The following COL23A1 variants were observed in gnomAD, a reference collection of about 807,000 sequenced individuals.
COL23A1 encodes the protein collagen alpha-1(XXIII) chain.
COL23A1 carries 97 observed loss-of-function variants against 99.3 expected under a neutral mutation model. That is an observed-to-expected ratio of 0.98 (90% CI 0.83 to 1.16). The LOEUF (loss-of-function observed/expected upper bound fraction) is 1.16, where lower values mean the gene tolerates loss of function less well. Ranked by LOEUF, COL23A1 falls within the 50% of genes most tolerant of loss-of-function variation. The probability of loss-of-function intolerance (pLI) is 0.00; values close to 1 mark genes in which losing one functional copy is unlikely to be tolerated. For synonymous variants in COL23A1, 320 were observed against 308.2 expected (o/e 1.04, Z -0.40); for missense variants, 762 against 757.4 (o/e 1.01, Z -0.07).
At chr5:178,577,556 G>A (rs1474950501) in intron 1 of COL23A1, among the ~76,000 whole-genome samples, 1 of 152,194 alleles carries the variant, frequency 6.6e-6, no homozygotes, top group African/African-American at 2.4e-5. Flanking sequence ...CTGGCGCGCG[G>A]GGCCTGGGGA....
At position 178,239,144 on chromosome 5, in the gene COL23A1, A is replaced by G. The variant is rs1415201777; in HGVS notation, c.1617T>C (p.His539=). ...TGGAGACTTCCCTGCACGGTACCTT[A>G]TGCCAGCAGCCAGGCACAGGCAGCC... is the stretch of plus-strand genomic sequence containing the variant. ...PDGLPVPGCW[H]K is the part of the protein sequence containing the mutation. The change falls in exon 28 of 29, where the codon CAT becomes CAC. Residue 539 remains histidine (H), a synonymous_variant. Coordinates refer to ENST00000390654, the MANE Select transcript of COL23A1 (RefSeq NM_173465.4). The G allele has an allele frequency of 6.2e-7, 1 of 1,613,780 alleles. No individual in the cohort carries two copies. Among genetic ancestry groups the G allele is most frequent in the African/African-American group, 1.3e-5 (1 of 74,972 alleles).
intron 2 of COL23A1, among the ~76,000 whole-genome samples, chr5:178,409,910 T>C (rs1387816182): frequency 6.6e-6 from 1 of 152,142 alleles, no homozygotes; most frequent in Non-Finnish European, 1.5e-5. Flanking sequence ...ATAAATAAAA[T>C]TGTAAGAATG....
chr5:178,538,797 C>A (rs1283532808), intron 2 of COL23A1, among the ~76,000 whole-genome samples: 1 of 152,094 alleles, frequency 6.6e-6, no homozygotes, highest in Non-Finnish European at 1.5e-5. Context: ...CAGCACTATG[C>A]CTAATAAGCA....
intron 2 of COL23A1, among the ~76,000 whole-genome samples, chr5:178,436,521 A>G (rs2127829161): frequency 6.6e-6 from 1 of 152,294 alleles, no homozygotes; most frequent in Admixed American, 6.5e-5. Flanking sequence ...GGTCCAAACC[A>G]CCTGGAAACA....
At chr5:178,400,473 C>A (rs78798280) in intron 2 of COL23A1, among the ~76,000 whole-genome samples, 1 of 152,012 alleles carries the variant, frequency 6.6e-6, no homozygotes, top group Non-Finnish European at 1.5e-5. Context: ...CCGTCAGCCC[C>A]AAACTCCCTC....
rs1764885543 is a variant in COL23A1 at position 178,249,304 on chromosome 5, C to T, written c.1060-98G>A. 5.8e-6 allele frequency: 7 copies of T among 1,210,300 alleles called. No homozygotes were observed. The South Asian group carries it at 8.6e-5, about 15-fold the overall frequency. 75.0% of individuals were successfully genotyped at this position (1,210,300 alleles called of 1,614,324 possible). A position where few individuals can be genotyped will look rare whatever the true frequency, so the allele number is the denominator to read the frequency against. Reference sequence around the variant, plus strand: ...GAGCTTAGTTCATGCTAGGGCCCCACTTTCTCTTTGTGGGTCCCCACCTCC... The same window carrying T: ...GAGCTTAGTTCATGCTAGGGCCCCATTTTCTCTTTGTGGGTCCCCACCTCC... On this transcript the variant is annotated intron_variant, in intron 18 of 28. Coordinates refer to ENST00000390654, the MANE Select transcript of COL23A1 (RefSeq NM_173465.4).
Position 178,366,852 on chromosome 5 carries a change from C to T in COL23A1, c.362-59933G>A, listed in dbSNP as rs76551211. Reference sequence around the variant, plus strand: ...ACTCCTTCACCCAGGAAGCAGGGTCCTGCCCTCCTCTGCAGCCCCACGTGG... The same window carrying T: ...ACTCCTTCACCCAGGAAGCAGGGTCTTGCCCTCCTCTGCAGCCCCACGTGG... On this transcript the variant is annotated intron_variant, in intron 2 of 28. Transcript: ENST00000390654. The surrounding 1 kb of genome is among the most constrained non-coding windows in gnomAD (Gnocchi z 4.4). 1.5e-3 allele frequency among the ~76,000 whole-genome samples: 225 copies of T among 152,348 alleles called. No homozygotes were observed. The Middle Eastern group carries it at 0.02, about 14-fold the overall frequency.
chr5:178,431,560 A>G (rs2127819558), intron 2 of COL23A1, among the ~76,000 whole-genome samples: 1 of 152,362 alleles, frequency 6.6e-6, no homozygotes, highest in African/African-American at 2.4e-5. Flanking sequence ...GATCAGATAC[A>G]GAAGAGAAGT....
At chr5:178,416,166 C>T (rs911400915) in intron 2 of COL23A1, among the ~76,000 whole-genome samples, 1 of 152,202 alleles carries the variant, frequency 6.6e-6, no homozygotes, top group Non-Finnish European at 1.5e-5. Context: ...CCAATATAGA[C>T]AAGAGATGAG....
chr5:178,502,895 C>T (rs1013884287), intron 2 of COL23A1, among the ~76,000 whole-genome samples: 5 of 152,166 alleles, frequency 3.3e-5, no homozygotes, highest in East Asian at 3.9e-4. Context: ...CCGCAGCACA[C>T]GCTGCACGCA....
At position 178,354,576 on chromosome 5, in the gene COL23A1, G is replaced by A. The variant is rs145328403; in HGVS notation, c.362-47657C>T. Among the ~76,000 whole-genome samples the A allele has an allele frequency of 6.6e-5, 10 of 152,212 alleles. No homozygotes were observed. The East Asian group carries it at 1.9e-3, about 29-fold the overall frequency. ...CTCATGACAGTGACTGAGTTCTCGT[G>A]CGATCTGGCTGTTTAAAAATGTGTA... On this transcript the variant is annotated intron_variant, in intron 2 of 28. Transcript: ENST00000390654.
rs1344705972 is a variant in COL23A1, at chr5:178,384,081, G to T, written c.362-77162C>A. On this transcript the variant is annotated intron_variant, in intron 2 of 28. Transcript: ENST00000390654. This position sits in a 1 kb window ranked among gnomAD's most constrained non-coding sequence, Gnocchi z 5.5. Reference sequence around the variant, plus strand: ...TGCATCTCCTGCCACGGCCAGGCAGGTCCCACCTCTCTGCAAAGACCCCTC... The same window carrying T: ...TGCATCTCCTGCCACGGCCAGGCAGTTCCCACCTCTCTGCAAAGACCCCTC... Among the ~76,000 whole-genome samples, 2 of 152,196 alleles carry T rather than the reference G, an allele frequency of 1.3e-5. No homozygotes were observed. Among genetic ancestry groups the T allele is most frequent in the African/African-American group, 4.8e-5 (2 of 41,456 alleles).
At chr5:178,465,946 A>G (rs180682495) in intron 2 of COL23A1, among the ~76,000 whole-genome samples, 155 of 152,282 alleles carry the variant, frequency 1.0e-3, no homozygotes, top group Non-Finnish European at 1.5e-3. Context: ...ACTTCAGGAC[A>G]CAAAACACAG....
In COL23A1 at chr5:178,583,152, A is replaced by G. The variant is rs182954236; in HGVS notation, c.294+6752T>C. ...TGTAAAGCTGACATTTTGTAAGCAC[A>G]GTATATACAGAGAAACACAGATTTC... On this transcript the variant is annotated intron_variant, in intron 1 of 28. Coordinates refer to ENST00000390654, the MANE Select transcript of COL23A1 (RefSeq NM_173465.4). Among the ~76,000 whole-genome samples, 309 of 152,384 alleles carry G rather than the reference A, an allele frequency of 2.0e-3. 1 individual carries two copies. Among genetic ancestry groups the G allele is most frequent in the African/African-American group, 7.2e-3 (301 of 41,592 alleles).
chr5:178,511,334 G>A lies in COL23A1; in HGVS notation c.361+49348C>T, dbSNP rs76208445. Among the ~76,000 whole-genome samples, 1,258 of 152,298 alleles carry A rather than the reference G, an allele frequency of 8.3e-3. 20 individuals carry two copies. The highest frequency in any genetic ancestry group is 0.028 in the African/African-American group (1,182 of 41,552). ...TTAAGAGCCCAGGTCTCAACATTGA[G>A]AAGTTCTCAGCAGCTACAGGTCAAA... On this transcript the variant is annotated intron_variant, in intron 2 of 28. Transcript: ENST00000390654.
intron 2 of COL23A1, among the ~76,000 whole-genome samples, chr5:178,380,911 G>A (rs918027328): frequency 1.3e-5 from 2 of 152,340 alleles, no homozygotes; most frequent in South Asian, 4.1e-4. Context: ...GGAGTGGGGA[G>A]GGCAGGGCAA....
At chr5:178,433,354 T>C (rs1265012364) in intron 2 of COL23A1, among the ~76,000 whole-genome samples, 1 of 151,652 alleles carries the variant, frequency 6.6e-6, no homozygotes. Flanking sequence ...GATGAGGGGG[T>C]CCACAGGGCA....
intron 2 of COL23A1, among the ~76,000 whole-genome samples, chr5:178,477,404 C>A (rs905362546): frequency 6.6e-6 from 1 of 152,144 alleles, no homozygotes; most frequent in African/African-American, 2.4e-5. Context: ...TAGTTTTACC[C>A]ATATTTATGC....
At chr5:178,560,628 C>G in intron 2 of COL23A1, 54 bp downstream of exon 2, 1 of 1,547,964 alleles carries the variant, frequency 6.5e-7, no homozygotes, top group African/African-American at 1.4e-5. Context: ...TCAGCAATCC[C>G]AAGCAAACGG....
Sources: gnomAD v4.1 joint callset for allele counts (sites outside exome capture counted in the v4.1 genomes callset) on GRCh38, gnomAD v4.1.1 for gene constraint, Gnocchi (gnomAD v3.1) non-coding constraint, MANE v1.5 for transcripts, NCBI Gene and HGNC (gene_info 2026-07-23, HGNC 2026-07-21) for gene names.